Variants in PPP2R5E observed in about 807,000 individuals in gnomAD.
The protein encoded by PPP2R5E is protein phosphatase 2 regulatory subunit B'epsilon.
A neutral mutation model predicts 65.3 loss-of-function variants in PPP2R5E; 4 were observed. The observed-to-expected ratio is 0.06, with a 90% CI of 0.03 to 0.14. PPP2R5E has a LOEUF of 0.14. Among genes scored for constraint, PPP2R5E ranks in the 10% least tolerant of loss-of-function variants. The pLI, the probability that PPP2R5E is intolerant of heterozygous loss-of-function variation, is 1.00. For synonymous variants in PPP2R5E, 183 were observed against 187.4 expected (o/e 0.98, Z 0.19); for missense variants, 274 against 556.1 (o/e 0.49, Z 5.10).
At chr14:63,403,730 C>A (rs1279188962) in intron 5 of PPP2R5E, among the ~76,000 whole-genome samples, 1 of 150,688 alleles carries the variant, frequency 6.6e-6, no homozygotes, top group Non-Finnish European at 1.5e-5. Flanking sequence ...AAAGCACACA[C>A]TAGTGATGAA....
chr14:63,471,318 CTCTT>C (rs1890121731), intron 2 of PPP2R5E, among the ~76,000 whole-genome samples: 1 of 152,226 alleles, frequency 6.6e-6, no homozygotes, highest in Non-Finnish European at 1.5e-5. Context: ...AGACAATACA[CTCTT>C]TCAGGATCTT....
chr14:63,449,257 A>T (rs908465538), intron 3 of PPP2R5E, among the ~76,000 whole-genome samples: 4 of 152,310 alleles, frequency 2.6e-5, no homozygotes, highest in African/African-American at 9.6e-5. Flanking sequence ...GGAATTAGAG[A>T]ACTTAAGAAC....
chr14:63,529,034 G>A (rs893319412), intron 2 of PPP2R5E, among the ~76,000 whole-genome samples: 1 of 152,106 alleles, frequency 6.6e-6, no homozygotes, highest in Non-Finnish European at 1.5e-5. Context: ...CAAGAGACAA[G>A]GGTCTTGCTG....
At chr14:63,453,294 C>G (rs993564261) in intron 3 of PPP2R5E, 10 of 154,510 alleles carry the variant, frequency 6.5e-5, no homozygotes, top group Non-Finnish European at 1.0e-4. Context: ...AAGCATTAAG[C>G]CATTTCTAAT....
intron 2 of PPP2R5E, among the ~76,000 whole-genome samples, chr14:63,476,400 G>T (rs1890413870): frequency 6.6e-6 from 1 of 152,050 alleles, no homozygotes; most frequent in Non-Finnish European, 1.5e-5. Flanking sequence ...ATTCACCAAA[G>T]ATAAATGCTT....
chr14:63,458,559 G>A (rs1380979071), intron 2 of PPP2R5E, among the ~76,000 whole-genome samples: 1 of 151,886 alleles, frequency 6.6e-6, no homozygotes, highest in Non-Finnish European at 1.5e-5. Context: ...AAATAAAGGA[G>A]GCCTACATCA....
chr14:63,434,529 A>G (rs1021259426), intron 3 of PPP2R5E, among the ~76,000 whole-genome samples: 2 of 152,206 alleles, frequency 1.3e-5, no homozygotes, highest in Non-Finnish European at 2.9e-5. Flanking sequence ...AGCCCTTAGT[A>G]TGCTGCTCTC....
chr14:63,468,221 T>C (rs996186833), intron 2 of PPP2R5E, among the ~76,000 whole-genome samples: 6 of 152,194 alleles, frequency 3.9e-5, no homozygotes, highest in African/African-American at 1.4e-4. Flanking sequence ...CTGAATATTT[T>C]CCATATTCTA....
At chr14:63,497,801 G>A (rs1372661766) in intron 2 of PPP2R5E, among the ~76,000 whole-genome samples, 2 of 151,876 alleles carry the variant, frequency 1.3e-5, no homozygotes, top group Middle Eastern at 3.2e-3. Flanking sequence ...ACATGAACCT[G>A]CTCAAGGTTT....
At position 63,427,708 on chromosome 14, in the gene PPP2R5E, G is replaced by A. The variant is rs115017513; in HGVS notation, c.355-5614C>T. 2.6e-3 allele frequency among the ~76,000 whole-genome samples: 390 copies of A among 152,310 alleles called. 1 individual carries two copies. The highest frequency in any genetic ancestry group is 8.9e-3 in the African/African-American group (369 of 41,568). ...TATAAGGACAAAGCAAGGCTGAAGG[G>A]ATGGGAGGAAAGGATGTCAAAACCT... On this transcript the variant is annotated intron_variant, in intron 3 of 13. Transcript: ENST00000337537.
chr14:63,388,933 C>T (rs1884841676), intron 11 of PPP2R5E, among the ~76,000 whole-genome samples: 1 of 152,188 alleles, frequency 6.6e-6, no homozygotes, highest in Admixed American at 6.5e-5. Flanking sequence ...CCAGTTTACC[C>T]TTCTTCCCTC....
At chr14:63,536,496 TATG>T in intron 2 of PPP2R5E, among the ~76,000 whole-genome samples, 1 of 152,224 alleles carries the variant, frequency 6.6e-6, no homozygotes, top group Admixed American at 6.5e-5. Flanking sequence ...AAATTCAACA[TATG>T]ATCCAGCAAT....
At chr14:63,503,096 TAC>T (rs1439289401) in intron 2 of PPP2R5E, among the ~76,000 whole-genome samples, 2 of 152,054 alleles carry the variant, frequency 1.3e-5, no homozygotes, top group African/African-American at 2.4e-5. Flanking sequence ...CAATGAGCAA[TAC>T]AGACCATAAA....
At chr14:63,392,070 A>G (rs1398811709) in intron 8 of PPP2R5E, 45 bp from the exon 9 acceptor site, 1 of 1,470,638 alleles carries the variant, frequency 6.8e-7, no homozygotes, top group South Asian at 1.3e-5. Context: ...AATTCTATAC[A>G]GTAAGGGCTC....
At chr14:63,526,795 G>A (rs1484311457) in intron 2 of PPP2R5E, among the ~76,000 whole-genome samples, 1 of 152,162 alleles carries the variant, frequency 6.6e-6, no homozygotes, top group Non-Finnish European at 1.5e-5. Flanking sequence ...GGGCTCAAGC[G>A]ATCCTCCCAC....
At chr14:63,423,243 A>G (rs1269369007) in intron 3 of PPP2R5E, among the ~76,000 whole-genome samples, 1 of 152,002 alleles carries the variant, frequency 6.6e-6, no homozygotes. Context: ...TTACAGGCGC[A>G]TGCCACCACA....
intron 3 of PPP2R5E, among the ~76,000 whole-genome samples, chr14:63,434,179 T>C (rs74900693): frequency 0.011 from 1,693 of 152,098 alleles, 29 homozygotes; most frequent in African/African-American, 0.039. Flanking sequence ...TCAAGTAATT[T>C]AATTTGCTTA....
intron 3 of PPP2R5E, among the ~76,000 whole-genome samples, chr14:63,439,965 C>T (rs1888135361): frequency 6.6e-6 from 1 of 152,232 alleles, no homozygotes; most frequent in Non-Finnish European, 1.5e-5. Flanking sequence ...TACACTGGCA[C>T]TTTCAATTTC....
intron 11 of PPP2R5E, 145 bp from the exon 12 acceptor site, chr14:63,384,716 A>AAT (rs915226975): frequency 1.2e-4 from 75 of 601,704 alleles, no homozygotes; most frequent in African/African-American, 7.6e-4. Context: ...ATCACATTTT[A>AAT]ATATATATAT....
Sources: allele counts gnomAD v4.1 joint callset (sites outside exome capture counted in the v4.1 genomes callset), GRCh38; gene constraint gnomAD v4.1.1; transcripts MANE v1.5; gene names NCBI Gene and HGNC (gene_info 2026-07-23, HGNC 2026-07-21).